The following MED12 variants were observed in gnomAD, a reference collection of about 807,000 sequenced individuals.
MED12 encodes mediator of RNA polymerase II transcription subunit 12.
MED12 carries 10 observed loss-of-function variants against 177.7 expected under a neutral mutation model. The ratio of observed to expected loss-of-function variants is 0.06; its 90% CI spans 0.03 to 0.10. The LOEUF (loss-of-function observed/expected upper bound fraction) is 0.10. Among genes scored for constraint, MED12 ranks in the 10% least tolerant of loss-of-function variants. The pLI, the probability that MED12 is intolerant of heterozygous loss-of-function variation, is 1.00. For missense variants in MED12, 867 were observed against 1,780.8 expected (o/e 0.49, Z 9.23); for synonymous variants, 641 against 678.4 (o/e 0.94, Z 0.86).
At chrX:71,127,180 G>T in intron 20 of MED12, 48 bp downstream of exon 20, 5 of 1,178,262 alleles carry the variant, frequency 4.2e-6, no homozygotes, top group Non-Finnish European at 5.7e-6. Context: ...GCGAATGCCG[G>T]TGGAAGTGGC....
At position 71,124,742 on chromosome X, in the gene MED12, C is replaced by T. The variant is rs369557636; in HGVS notation, c.1975-22C>T. 31 of 1,182,522 alleles carry T rather than the reference C, an allele frequency of 2.6e-5. No individual in the cohort carries two copies. In the East Asian group the frequency reaches 3.0e-4, roughly 11 times the overall value. ...CCACTCCCTAGGGCTAAAGCAACTT[C>T]GCTTATGTTCTATGCCCTCAGGATC... On this transcript the variant is annotated intron_variant, in intron 13 of 44. Transcript: ENST00000374080.
chrX:71,141,221 T>G lies in MED12; in HGVS notation c.6268-9T>G. 2 of 1,155,664 alleles carry G rather than the reference T, an allele frequency of 1.7e-6. No individual in the cohort carries two copies. The highest frequency in any genetic ancestry group is 2.3e-6 in the Non-Finnish European group (2 of 868,465). On this transcript the variant is annotated splice_polypyrimidine_tract_variant and intron_variant, in intron 42 of 44. Coordinates refer to ENST00000374080, the MANE Select transcript of MED12 (RefSeq NM_005120.3). ...TGCTCCTTCTGAAGTATCTTTTGTG[T>G]TCTTATAGCAGCAGCAGCAACAGCA...
chrX:71,134,382 A>G lies in MED12; in HGVS notation c.4643A>G (p.Gln1548Arg), dbSNP rs1414395723. ...GTGGGGGGCATGTTTGACACGGTGC[A>G]GCGCAGCACCCAGCAGACCACGGAG... is the stretch of plus-strand genomic sequence containing the variant. ...NLVGGMFDTV[Q>R]RSTQQTTEWA... The change falls in exon 34 of 45, where the codon CAG becomes CGG. Residue 1548 changes from glutamine (Q) to arginine (R), a missense_variant. Around this residue, in one of 14 missense-constraint regions of MED12, gnomAD observed 34 missense variants for 58.9 expected, o/e 0.58. Transcript: ENST00000374080. The G allele has an allele frequency of 6.0e-6, 7 of 1,162,550 alleles. No homozygotes were observed. Among genetic ancestry groups the G allele is most frequent in the Non-Finnish European group, 8.1e-6 (7 of 866,866 alleles).
rs1556336419 is a variant in MED12 at position 71,128,036 on chromosome X, G to A, written c.3125G>A (p.Ser1042Asn). ...TTCACCTACACGGGGCTAGGCAAGA[G>A]TCTTAGTGAGAACCCTGCTAACCGC... ...HTFTYTGLGK[S>N]LSENPANRYS... The change falls in exon 22 of 45, where the codon AGT becomes AAT. Residue 1042 changes from serine to asparagine, a missense_variant. This residue lies in a region of MED12 where 70 missense variants were observed against 143.6 expected (regional missense o/e 0.49). Coordinates refer to ENST00000374080, the MANE Select transcript of MED12 (RefSeq NM_005120.3). 1 of 1,211,477 alleles carries A rather than the reference G, an allele frequency of 8.3e-7. No individual in the cohort carries two copies. Among genetic ancestry groups the A allele is most frequent in the Non-Finnish European group, 1.1e-6 (1 of 895,362 alleles).
intron 24 of MED12, 67 bp downstream of exon 24, chrX:71,128,785 T>G: frequency 8.7e-7 from 1 of 1,144,818 alleles, no homozygotes; most frequent in South Asian, 1.8e-5. Flanking sequence ...TGGACGGCCA[T>G]CCTCTCATTG....
In MED12 at chrX:71,124,798, C is replaced by A; in HGVS notation, c.2009C>A (p.Pro670His). Residue 670 changes from proline (P) to histidine (H), a missense_variant, in exon 14 of 45, where the codon CCT becomes CAT. Physicochemically the swap from Pro to His is moderately conservative, Grantham distance 77 (BLOSUM62 -2). Around this residue, in one of 14 missense-constraint regions of MED12, gnomAD observed 309 missense variants for 556.3 expected, o/e 0.56. Coordinates refer to ENST00000374080, the MANE Select transcript of MED12 (RefSeq NM_005120.3). ...PGLSESMDIDPSSSVLFEDME... is the reference protein window; with the variant it reads ...PGLSESMDIDHSSSVLFEDME... Reference sequence around the variant, plus strand: ...CTCTCAGAATCTATGGACATTGACCCTAGTTCCAGTGTTCTCTTTGAGGAC... The same window carrying A: ...CTCTCAGAATCTATGGACATTGACCATAGTTCCAGTGTTCTCTTTGAGGAC... The A allele has an allele frequency of 2.5e-6, 3 of 1,210,430 alleles. No individual in the cohort carries two copies. The highest frequency in any genetic ancestry group is 3.4e-6 in the Non-Finnish European group (3 of 894,352).
At chrX:71,134,550 G>T in intron 34 of MED12, 84 bp downstream of exon 34, 1 of 922,486 alleles carries the variant, frequency 1.1e-6, no homozygotes. Flanking sequence ...ACTGAGATTG[G>T]TGTGGCTGTT....
At chrX:71,135,346 C>A in intron 36 of MED12, 93 bp downstream of exon 36, 1 of 1,002,626 alleles carries the variant, frequency 1.0e-6, no homozygotes, top group Non-Finnish European at 1.4e-6. Flanking sequence ...ACAGACTCAT[C>A]AGATTCAGGA....
In MED12 at chrX:71,121,145, T is replaced by C; in HGVS notation, c.728T>C (p.Met243Thr). 8.3e-7 allele frequency: 1 copy of C among 1,210,789 alleles called. No individual in the cohort carries two copies. Among genetic ancestry groups the C allele is most frequent in the Non-Finnish European group, 1.1e-6 (1 of 895,298 alleles). Residue 243 changes from methionine (M) to threonine (T), a missense_variant, in exon 5 of 45, where the codon ATG (methionine) becomes ACG (threonine). Met to Thr is a moderately conservative substitution (Grantham distance 81). Around this residue, in one of 14 missense-constraint regions of MED12, gnomAD observed 309 missense variants for 556.3 expected, o/e 0.56. Transcript: ENST00000374080. ...TACACCGAGAAGCTGGCCATGTTCA[T>C]GTTTCAGGTAGAGAGTAGGGCATGC... ...WDYTEKLAMF[M>T]FQDGMLDRHE...
intron 41 of MED12, among the ~76,000 whole-genome samples, chrX:71,140,144 A>G (rs184456373): frequency 0.044 from 4,287 of 98,296 alleles, 123 homozygotes; most frequent in Middle Eastern, 0.068. Context: ...CAGTGGTGCA[A>G]TCTTGGCTCA....
chrX:71,137,200 G>A lies in MED12; in HGVS notation c.5565G>A (p.Val1855=). The A allele has an allele frequency of 8.3e-7, 1 of 1,211,885 alleles. No individual in the cohort carries two copies. The highest frequency in any genetic ancestry group is 1.1e-6 in the Non-Finnish European group (1 of 895,487). ...TCTCCTTTTCAGGTGGCCCTCGTGT[G>A]GACCCATACCGTCCTGTGCGCTTAC... is the stretch of plus-strand genomic sequence containing the variant. ...NQPLPAGGPR[V]DPYRPVRLPM... is the part of the protein sequence containing the mutation. The change falls in exon 39 of 45, where the codon GTG becomes GTA. Residue 1855 remains valine, a synonymous_variant. Transcript: ENST00000374080.
At chrX:71,129,494 A>G (rs1361506575) in intron 26 of MED12, 65 bp downstream of exon 26, 7 of 964,422 alleles carry the variant, frequency 7.3e-6, no homozygotes, top group Non-Finnish European at 1.0e-5. Context: ...CTAAACTACA[A>G]GGGACAGTCT....
rs1461453443 is a variant in MED12, at chrX:71,127,147, G to A, written c.2849+15G>A. The A allele has an allele frequency of 4.2e-6, 5 of 1,201,904 alleles. No individual in the cohort carries two copies. In the Admixed American group the frequency reaches 6.7e-5, roughly 16 times the overall value. ...GTCTTTGAGGGGTAAGCAGAGCTTC[G>A]GAATAACTGAAACAAAGCTCTGGCG... On this transcript the variant is annotated intron_variant, in intron 20 of 44. Transcript: ENST00000374080.
In MED12 at chrX:71,129,970, C is replaced by T. The variant is rs918174421; in HGVS notation, c.3868-65C>T. Reference sequence around the variant, plus strand: ...ACATTGTGTTCCTTAACAACTCCAGCCCATCCCCCATATTCCTAACCCCCT... The same window carrying T: ...ACATTGTGTTCCTTAACAACTCCAGTCCATCCCCCATATTCCTAACCCCCT... On this transcript the variant is annotated intron_variant, in intron 27 of 44. Transcript: ENST00000374080. 2.2e-5 allele frequency: 26 copies of T among 1,174,160 alleles called. No individual in the cohort carries two copies. The African/African-American group carries it at 4.2e-4, about 19-fold the overall frequency.
At chrX:71,134,246 AAAAAAC>A (rs1418024343) in intron 33 of MED12, 105 bp from the exon 34 acceptor site, 6 of 450,916 alleles carry the variant, frequency 1.3e-5, no homozygotes, top group Non-Finnish European at 2.3e-5. Context: ...AAAAAAAAAA[AAAAAAC>A]TCAAGCATGA....
At position 71,136,933 on chromosome X, in the gene MED12, G is replaced by A; in HGVS notation, c.5455G>A (p.Asp1819Asn). 2.5e-6 allele frequency: 3 copies of A among 1,210,116 alleles called. No individual in the cohort carries two copies. The highest frequency in any genetic ancestry group is 3.4e-6 in the Non-Finnish European group (3 of 895,252). The change falls in exon 38 of 45, where the codon GAC (aspartate) becomes AAC (asparagine). Residue 1819 changes from aspartate (D) to asparagine (N), a missense_variant. Asp to Asn is a conservative substitution (Grantham distance 23, BLOSUM62 1). Transcript: ENST00000374080. Reference sequence around the variant, plus strand: ...CCCTTATGGTGTGACAGTGCCTCCGGACCTCCTGCACCACCCAAACCCTGG... The same window carrying A: ...CCCTTATGGTGTGACAGTGCCTCCGAACCTCCTGCACCACCCAAACCCTGG... ...SGPYGVTVPP[D>N]LLHHPNPGSI... is the part of the protein sequence containing the mutation.
At position 71,140,735 on chromosome X, in the gene MED12, C is replaced by A. The variant is rs756758050; in HGVS notation, c.6145C>A (p.Pro2049Thr). ...QAGVRSTAIL[P>T]EQQQQQQQQQ... ...AGGCGTCCGTTCAACAGCCATCCTACCTGAGCAGCAGCAGCAGCAGCAACA... is the reference window on the plus strand; with the variant it reads ...AGGCGTCCGTTCAACAGCCATCCTAACTGAGCAGCAGCAGCAGCAGCAACA... The change falls in exon 42 of 45, where the codon CCT becomes ACT. Residue 2049 changes from proline to threonine, a missense_variant. Physicochemically the swap from Pro to Thr is conservative, Grantham distance 38 (BLOSUM62 -1). Transcript: ENST00000374080. 4.1e-6 allele frequency: 5 copies of A among 1,211,164 alleles called. No homozygotes were observed. In the South Asian group the frequency reaches 5.3e-5, roughly 13 times the overall value.
At chrX:71,136,115 G>A (rs1219106906) in intron 36 of MED12, among the ~76,000 whole-genome samples, 166 bp from the exon 37 acceptor site, 1 of 107,317 alleles carries the variant, frequency 9.3e-6, no homozygotes, top group Non-Finnish European at 1.9e-5. Flanking sequence ...CTCTCTCCCC[G>A]CATAACTCTC....
chrX:71,121,543 G>A lies in MED12; in HGVS notation c.847-19G>A. ...TCCCCTGGAGAGAACTAGGGGCTCT[G>A]ATGGTCGTGTCTTCACAGTACTCTG... On this transcript the variant is annotated intron_variant, in intron 6 of 44. Transcript: ENST00000374080. 8.3e-7 allele frequency: 1 copy of A among 1,211,434 alleles called. No individual in the cohort carries two copies. Among genetic ancestry groups the A allele is most frequent in the Non-Finnish European group, 1.1e-6 (1 of 895,302 alleles).
Sources: allele counts gnomAD v4.1 joint callset (sites outside exome capture counted in the v4.1 genomes callset), GRCh38; gene constraint gnomAD v4.1.1; regional missense constraint gnomAD v4.1.1; transcripts MANE v1.5; gene names NCBI Gene and HGNC (gene_info 2026-07-23, HGNC 2026-07-21).